The following RYR1 variants were observed in gnomAD, a reference collection of about 807,000 sequenced individuals.
RYR1 encodes ryanodine receptor 1.
A neutral mutation model predicts 583.5 loss-of-function variants in RYR1; 342 were observed. The observed-to-expected ratio is 0.59, with a 90% CI of 0.54 to 0.64. RYR1 has a LOEUF of 0.64. Among genes scored for constraint, RYR1 ranks in the 30% least tolerant of loss-of-function variants. RYR1 has a pLI of 0.00. For synonymous variants in RYR1, 2,791 were observed against 2,822.5 expected (o/e 0.99, Z 0.35); for missense variants, 6,032 against 6,917.2 (o/e 0.87, Z 4.54).
intron 63 of RYR1, among the ~76,000 whole-genome samples, chr19:38,514,048 T>C (rs1970842523): frequency 6.6e-6 from 1 of 152,164 alleles, no homozygotes; most frequent in Non-Finnish European, 1.5e-5. Context: ...GTTGTGTCTC[T>C]GTAGTGTCTT....
chr19:38,456,014 C>T (rs1967363005), intron 16 of RYR1, among the ~76,000 whole-genome samples: 1 of 141,942 alleles, frequency 7.0e-6, no homozygotes, highest in South Asian at 2.3e-4. Flanking sequence ...CACTGTCGCT[C>T]AGACTGGAGT....
chr19:38,575,360 T>C (rs556138206), intron 96 of RYR1, among the ~76,000 whole-genome samples: 6 of 152,212 alleles, frequency 3.9e-5, no homozygotes, highest in African/African-American at 1.4e-4. Flanking sequence ...TCAAGGTTCC[T>C]ACAAGAAAAG....
chr19:38,549,047 T>C (rs1972551343), intron 89 of RYR1, among the ~76,000 whole-genome samples: 1 of 152,202 alleles, frequency 6.6e-6, no homozygotes, highest in African/African-American at 2.4e-5. Flanking sequence ...GTAGTGACAC[T>C]ATTGACGCAT....
chr19:38,560,747 AAAAG>A (rs1973091396), intron 89 of RYR1, among the ~76,000 whole-genome samples: 1 of 150,158 alleles, frequency 6.7e-6, no homozygotes, highest in Non-Finnish European at 1.5e-5. Context: ...AAAAAAAAAA[AAAAG>A]AGAAAGAAAA....
In RYR1 at chr19:38,453,085, G is replaced by T; in HGVS notation, c.1440+71G>T. ...CGGGACCACTGAGGGGCGGGGCCAC[G>T]GCGCTGGGCGGGGCAGGGCCTGAGG... On this transcript the variant is annotated intron_variant, in intron 13 of 105. Transcript: ENST00000359596. 3 of 1,518,886 alleles carry T rather than the reference G, an allele frequency of 2.0e-6. 1 individual carries two copies. In the South Asian group the frequency reaches 3.5e-5, roughly 18 times the overall value. The allele number at this position is 1,518,886 out of a possible 1,614,324, so 94.1% of individuals were successfully genotyped here. A position where few individuals can be genotyped will look rare whatever the true frequency, so the allele number is the denominator to read the frequency against.
rs892052 is a variant in RYR1, at chr19:38,517,858, G to A, written c.10018+167G>A. Among the ~76,000 whole-genome samples the A allele has an allele frequency of 0.21, 31,841 of 152,088 alleles. 3,961 individuals are homozygous for A. Among genetic ancestry groups the A allele is most frequent in the African/African-American group, 0.35 (14,375 of 41,454 alleles). ...GGTCAGCTGGGCACCGTGGCTCACAGCTGTAACACCAACACTTTGGGAGGA... is the reference window on the plus strand; with the variant it reads ...GGTCAGCTGGGCACCGTGGCTCACAACTGTAACACCAACACTTTGGGAGGA... On this transcript the variant is annotated intron_variant, in intron 66 of 105. Coordinates refer to ENST00000359596, the MANE Select transcript of RYR1 (RefSeq NM_000540.3).
At chr19:38,486,296 T>G in intron 34 of RYR1, 94 bp downstream of exon 34, 1 of 1,462,166 alleles carries the variant, frequency 6.8e-7, no homozygotes. Context: ...TATTTATGCA[T>G]CCAACCACCC....
At chr19:38,472,956 C>T (rs1968504473) in intron 27 of RYR1, among the ~76,000 whole-genome samples, 1 of 147,270 alleles carries the variant, frequency 6.8e-6, no homozygotes, top group Non-Finnish European at 1.5e-5. Flanking sequence ...GCAGAGGTTG[C>T]GGTGAGCCGA....
At chr19:38,508,356 C>T (rs1041683782) in intron 58 of RYR1, among the ~76,000 whole-genome samples, 5 of 151,984 alleles carry the variant, frequency 3.3e-5, no homozygotes, top group Admixed American at 6.6e-5. Flanking sequence ...ACCACAGGCA[C>T]GGGCGCCGCC....
Position 38,584,981 on chromosome 19 carries a change from C to T in RYR1, c.14685C>T (p.Gly4895=), listed in dbSNP as rs376144636. Residue 4895 remains glycine (G), a synonymous_variant, in exon 102 of 106, where the codon GGC becomes GGT. Coordinates refer to ENST00000359596, the MANE Select transcript of RYR1 (RefSeq NM_000540.3). ...LFHMYVGVRA[G]GGIGDEIEDP... ...ACATGTACGTGGGTGTCCGGGCTGG[C>T]GGAGGCATTGGGGACGAGATCGAGG... 19 of 1,613,820 alleles carry T rather than the reference C, an allele frequency of 1.2e-5. No homozygotes were observed. The highest frequency in any genetic ancestry group is 2.2e-5 in the East Asian group (1 of 44,866).
At chr19:38,487,204 C>A (rs1443784193) in intron 34 of RYR1, among the ~76,000 whole-genome samples, 1 of 152,142 alleles carries the variant, frequency 6.6e-6, no homozygotes. Context: ...GTACGTACAC[C>A]CATCCACCTA....
intron 23 of RYR1, 35 bp downstream of exon 23, chr19:38,464,757 G>A (rs553369551): frequency 6.5e-7 from 1 of 1,540,446 alleles, no homozygotes; most frequent in Non-Finnish European, 8.8e-7. Context: ...TCTGGGGATG[G>A]ACTGGGGGCT....
At chr19:38,438,876 C>T (rs867784547) in intron 1 of RYR1, among the ~76,000 whole-genome samples, 6 of 151,956 alleles carry the variant, frequency 3.9e-5, no homozygotes, top group African/African-American at 1.2e-4. Flanking sequence ...CCTTGTCCTC[C>T]GAAAGTGCTG....
At chr19:38,527,890 G>A in intron 73 of RYR1, 106 bp downstream of exon 73, 1 of 1,389,862 alleles carries the variant, frequency 7.2e-7, no homozygotes, top group Non-Finnish European at 1.0e-6. Flanking sequence ...ATTAAGTTTT[G>A]GGGCAGGGCA....
intron 66 of RYR1, among the ~76,000 whole-genome samples, chr19:38,518,376 A>G (rs1971068158): frequency 1.3e-5 from 2 of 149,860 alleles, no homozygotes. Flanking sequence ...CCTGGGCAAC[A>G]TGGTGAAACC....
chr19:38,507,932 C>T (rs1970553756), intron 58 of RYR1, 105 bp downstream of exon 58: 4 of 512,490 alleles, frequency 7.8e-6, no homozygotes, highest in Admixed American at 7.1e-5. Flanking sequence ...CCGTCCTCCC[C>T]TTATCTGATG....
chr19:38,514,354 C>CAG lies in RYR1; in HGVS notation c.9473-671_9473-670insGA, dbSNP rs373287548. Among the ~76,000 whole-genome samples, 651 of 150,486 alleles carry CAG rather than the reference C, an allele frequency of 4.3e-3. 3 individuals carry two copies. Among genetic ancestry groups the CAG allele is most frequent in the African/African-American group, 0.015 (612 of 40,828 alleles). On this transcript the variant is annotated intron_variant, in intron 63 of 105. Coordinates refer to ENST00000359596, the MANE Select transcript of RYR1 (RefSeq NM_000540.3). ...GGAGTGCAGTGGCGCAATCTCAGCTCACTGCAACCTCTGCCTCCCGGGTTC... is the reference window on the plus strand; with the variant it reads ...GGAGTGCAGTGGCGCAATCTCAGCTCAGACTGCAACCTCTGCCTCCCGGGTTC...
chr19:38,475,897 C>T (rs1968698826), intron 29 of RYR1, among the ~76,000 whole-genome samples: 1 of 152,244 alleles, frequency 6.6e-6, no homozygotes, highest in African/African-American at 2.4e-5. Flanking sequence ...GTGCAGTGCT[C>T]CCCAACTATT....
chr19:38,485,667 C>T lies in RYR1; in HGVS notation c.5012C>T (p.Ala1671Val), dbSNP rs1969245679. ...FHSHTLRLYR[A>V]VCALGNNRVA... ...TCGCACACCCTGCGCCTCTACCGCG[C>T]TGTGTGCGCCCTGGGCAACAATCGC... The change falls in exon 34 of 106, where the codon GCT becomes GTT. Residue 1671 changes from alanine to valine, a missense_variant. This residue lies in a region of RYR1 where 2,627 missense variants were observed against 2,961.3 expected (regional missense o/e 0.89). Coordinates refer to ENST00000359596, the MANE Select transcript of RYR1 (RefSeq NM_000540.3). The T allele has an allele frequency of 6.2e-7, 1 of 1,610,708 alleles. No homozygotes were observed. Among genetic ancestry groups the T allele is most frequent in the African/African-American group, 1.3e-5 (1 of 74,936 alleles).
Sources: gnomAD v4.1 joint callset for allele counts (sites outside exome capture counted in the v4.1 genomes callset) on GRCh38, gnomAD v4.1.1 for gene constraint, gnomAD v4.1.1 regional missense constraint, MANE v1.5 for transcripts, NCBI Gene and HGNC (gene_info 2026-07-23, HGNC 2026-07-21) for gene names.